The following SAMSN1 variants were observed in gnomAD, a reference collection of about 807,000 sequenced individuals.
SAMSN1 encodes SAM domain-containing protein SAMSN-1.
A neutral mutation model predicts 42.0 loss-of-function variants in SAMSN1; 31 were observed. The observed-to-expected ratio is 0.74, with a 90% CI of 0.55 to 1.00. The LOEUF is 1.00. Ranked by LOEUF, SAMSN1 falls within the 50% of genes least tolerant of loss-of-function variation. The pLI is 0.00. For missense variants in SAMSN1, 464 were observed against 439.4 expected (o/e 1.06, Z -0.50); for synonymous variants, 178 against 151.9 (o/e 1.17, Z -1.26).
At chr21:14,510,144 G>GA (rs112521674) in intron 5 of SAMSN1, among the ~76,000 whole-genome samples, 166 bp downstream of exon 5, 1,732 of 131,038 alleles carry the variant, frequency 0.013, 32 homozygotes, top group African/African-American at 0.042. Flanking sequence ...CTCAAAAAAA[G>GA]AAAAAAAAAA....
At chr21:14,497,412 T>A (rs1986954388) in intron 7 of SAMSN1, among the ~76,000 whole-genome samples, 1 of 152,236 alleles carries the variant, frequency 6.6e-6, no homozygotes, top group African/African-American at 2.4e-5. Context: ...CTGGCCAATA[T>A]GGTGAAACCC....
At chr21:14,589,901 A>G (rs1982028816) in intron 7 of SAMSN1, among the ~76,000 whole-genome samples, 1 of 152,200 alleles carries the variant, frequency 6.6e-6, no homozygotes, top group South Asian at 2.1e-4. Flanking sequence ...CCTGATGTCT[A>G]TCTCACATAA....
intron 4 of SAMSN1, 69 bp from the exon 5 acceptor site, chr21:14,510,530 A>G (rs1464873223): frequency 6.5e-7 from 1 of 1,537,640 alleles, no homozygotes; most frequent in African/African-American, 1.5e-5. Flanking sequence ...TCTGGACACA[A>G]CTAAGTATTG....
chr21:14,619,676 T>TC (rs751745514), intron 2 of SAMSN1: 1 of 327,072 alleles, frequency 3.1e-6, no homozygotes, highest in Admixed American at 4.0e-5. Flanking sequence ...CTGATATTCC[T>TC]ATAACAAAAG....
chr21:14,496,251 A>C (rs1295726280), intron 7 of SAMSN1: 1 of 152,202 alleles, frequency 6.6e-6, no homozygotes, highest in African/African-American at 2.4e-5. Context: ...CATTGCTTTC[A>C]TATTGGCCAA....
intron 5 of SAMSN1, among the ~76,000 whole-genome samples, chr21:14,503,028 C>T (rs548005890): frequency 6.6e-6 from 1 of 152,244 alleles, no homozygotes; most frequent in East Asian, 1.9e-4. Flanking sequence ...TAGCGCAAAA[C>T]CTTCTTCTCT....
At chr21:14,543,224 C>T (rs760466547) in intron 1 of SAMSN1, among the ~76,000 whole-genome samples, 1 of 152,138 alleles carries the variant, frequency 6.6e-6, no homozygotes, top group Non-Finnish European at 1.5e-5. Flanking sequence ...TGGTCTCTGC[C>T]TCTCAGCCTA....
chr21:14,509,995 C>T (rs570687525), intron 5 of SAMSN1, among the ~76,000 whole-genome samples: 173 of 151,936 alleles, frequency 1.1e-3, no homozygotes, highest in Admixed American at 3.8e-3. Flanking sequence ...AAAAATTAGC[C>T]GGGCGTGGTG....
At chr21:14,539,934 C>T (rs1343388788) in intron 1 of SAMSN1, among the ~76,000 whole-genome samples, 1 of 152,122 alleles carries the variant, frequency 6.6e-6, no homozygotes, top group African/African-American at 2.4e-5. Context: ...GGTATTGGTA[C>T]CAAAACAGAG....
intron 6 of SAMSN1, among the ~76,000 whole-genome samples, chr21:14,598,730 T>C (rs1982345443): frequency 1.3e-5 from 2 of 152,176 alleles, no homozygotes; most frequent in African/African-American, 4.8e-5. Flanking sequence ...TACGTTCTGG[T>C]TGGGAATTAA....
intron 2 of SAMSN1, among the ~76,000 whole-genome samples, chr21:14,621,097 G>A (rs954586646): frequency 5.9e-5 from 9 of 152,160 alleles, no homozygotes; most frequent in African/African-American, 2.2e-4. Context: ...TTTCAAAGAA[G>A]ACATGACAGT....
chr21:14,571,135 T>C (rs184652105), intron 2 of SAMSN1, among the ~76,000 whole-genome samples: 1 of 152,334 alleles, frequency 6.6e-6, no homozygotes, highest in East Asian at 1.9e-4. Context: ...ATAGCTCTTA[T>C]CAAAGCTGGC....
intron 1 of SAMSN1, among the ~76,000 whole-genome samples, chr21:14,531,626 A>G (rs1216901902): frequency 1.3e-5 from 2 of 152,168 alleles, no homozygotes; most frequent in Admixed American, 1.3e-4. Flanking sequence ...TTCCTGAAAT[A>G]TTTCCTAACA....
intron 2 of SAMSN1, among the ~76,000 whole-genome samples, chr21:14,620,602 A>G (rs1351853390): frequency 6.6e-6 from 1 of 152,162 alleles, no homozygotes; most frequent in African/African-American, 2.4e-5. Context: ...TGTACCCCTC[A>G]TTGTTTTAGA....
At chr21:14,582,447 T>C in exon 2 of SAMSN1, 2 of 1,510,256 alleles carry the variant, frequency 1.3e-6, no homozygotes, top group Non-Finnish European at 1.8e-6. Flanking sequence ...TCTCGGGACT[T>C]GGTTAATTTC....
intron 5 of SAMSN1, among the ~76,000 whole-genome samples, chr21:14,506,893 G>A: frequency 6.6e-6 from 1 of 152,094 alleles, no homozygotes. Context: ...TTTAATATAT[G>A]CACTTCAATA....
At chr21:14,549,136 G>C (rs9982897), upstream of SAMSN1, among the ~76,000 whole-genome samples, 152,300 of 152,300 alleles carry the variant, frequency 1, 76,150 homozygotes, top group Non-Finnish European at 1. Context: ...AAAAGGATTG[G>C]TTCAGCAATC....
intron 2 of SAMSN1, among the ~76,000 whole-genome samples, chr21:14,560,339 G>T (rs1412783610): frequency 2.0e-5 from 3 of 152,130 alleles, no homozygotes; most frequent in African/African-American, 7.2e-5. Flanking sequence ...ATGGCAGCAA[G>T]AAATCTGACA....
upstream of SAMSN1, among the ~76,000 whole-genome samples, chr21:14,546,989 A>G (rs747628935): frequency 8.5e-5 from 13 of 152,174 alleles, no homozygotes; most frequent in Non-Finnish European, 1.9e-4. Context: ...GATTACAGGC[A>G]TGGTATATTT....
Sources: gnomAD v4.1 joint callset for allele counts (sites outside exome capture counted in the v4.1 genomes callset) on GRCh38, gnomAD v4.1.1 for gene constraint, MANE v1.5 for transcripts, NCBI Gene and HGNC (gene_info 2026-07-23, HGNC 2026-07-21) for gene names.